The following ROCK2 variants were observed in gnomAD, a reference collection of about 807,000 sequenced individuals.
The protein encoded by ROCK2 is rho-associated protein kinase 2.
Under a neutral mutation model 195.1 loss-of-function variants are expected in ROCK2, and 61 were observed. The observed-to-expected ratio is 0.31, with a 90% CI of 0.25 to 0.39. The LOEUF is 0.39. Among genes scored for constraint, ROCK2 ranks in the 10% least tolerant of loss-of-function variants. The probability of loss-of-function intolerance (pLI) is 1.00; values close to 1 mark genes in which losing one functional copy is unlikely to be tolerated. For synonymous variants in ROCK2, 504 were observed against 545.5 expected (o/e 0.92, Z 1.06); for missense variants, 1,109 against 1,637.4 (o/e 0.68, Z 5.57).
At chr2:11,293,879 C>A (rs1667431683) in intron 1 of ROCK2, among the ~76,000 whole-genome samples, 1 of 152,096 alleles carries the variant, frequency 6.6e-6, no homozygotes. Flanking sequence ...AACGTACGGG[C>A]CAGGCGCGGT....
At chr2:11,300,770 T>C (rs1209044097) in intron 1 of ROCK2, among the ~76,000 whole-genome samples, 1 of 152,066 alleles carries the variant, frequency 6.6e-6, no homozygotes, top group Non-Finnish European at 1.5e-5. Flanking sequence ...TTTCCAAGTA[T>C]CCACCAGATA....
At chr2:11,203,495 G>A (rs888178628) in intron 20 of ROCK2, among the ~76,000 whole-genome samples, 1 of 151,884 alleles carries the variant, frequency 6.6e-6, no homozygotes, top group African/African-American at 2.4e-5. Flanking sequence ...ATGTAGTCAA[G>A]TATTTTACAA....
intron 23 of ROCK2, among the ~76,000 whole-genome samples, 168 bp from the exon 24 acceptor site, chr2:11,198,942 T>A (rs987350317): frequency 4.6e-5 from 7 of 151,218 alleles, no homozygotes; most frequent in African/African-American, 1.7e-4. Flanking sequence ...TCTTGCTCTG[T>A]CAACCAGGAG....
chr2:11,317,435 AAC>A (rs1056125720), intron 1 of ROCK2, among the ~76,000 whole-genome samples: 3 of 151,242 alleles, frequency 2.0e-5, no homozygotes, highest in East Asian at 3.9e-4. Context: ...GCATCAATAA[AAC>A]AGAGATAATA....
At chr2:11,296,050 G>GA (rs1249653168) in intron 1 of ROCK2, among the ~76,000 whole-genome samples, 1 of 143,776 alleles carries the variant, frequency 7.0e-6, no homozygotes, top group Non-Finnish European at 1.5e-5. Context: ...GAGAGAGAGA[G>GA]AAAACAAAGG....
chr2:11,218,538 ACAAAC>A, intron 10 of ROCK2, 72 bp from the exon 11 acceptor site: 1 of 1,051,202 alleles, frequency 9.5e-7, no homozygotes, highest in South Asian at 1.6e-5. Flanking sequence ...TTCCTAAAAC[ACAAAC>A]CATAACAAAA....
At chr2:11,251,210 C>CAGAA (rs1414484741) in intron 3 of ROCK2, among the ~76,000 whole-genome samples, 1 of 152,168 alleles carries the variant, frequency 6.6e-6, no homozygotes, top group Non-Finnish European at 1.5e-5. Context: ...TATTTATCAC[C>CAGAA]TATTTCTCAG....
chr2:11,235,085 CT>C lies in ROCK2; in HGVS notation c.723+616del, dbSNP rs1464442549. ...ACCGATCCCTCTCCATCAAGAATTA[CT>C]TACTGCACACTTACAGAGAAAAGGG... On this transcript the variant is annotated intron_variant, in intron 5 of 32. Coordinates refer to ENST00000315872, the MANE Select transcript of ROCK2 (RefSeq NM_004850.5). The surrounding 1 kb of genome is among the most constrained non-coding windows in gnomAD (Gnocchi z 4.2). Among the ~76,000 whole-genome samples, 9 of 152,124 alleles carry C rather than the reference CT, an allele frequency of 5.9e-5. No homozygotes were observed. The highest frequency in any genetic ancestry group is 5.2e-4 in the Admixed American group (8 of 15,274).
At chr2:11,250,285 G>A (rs952541089) in intron 3 of ROCK2, among the ~76,000 whole-genome samples, 1 of 151,900 alleles carries the variant, frequency 6.6e-6, no homozygotes, top group Non-Finnish European at 1.5e-5. Flanking sequence ...TTCTCTTTAG[G>A]TGCCCTAATT....
chr2:11,293,621 A>C (rs1240337011), intron 1 of ROCK2, among the ~76,000 whole-genome samples: 2 of 152,192 alleles, frequency 1.3e-5, no homozygotes, highest in African/African-American at 4.8e-5. Context: ...GGCTTGGCAC[A>C]GTACTCTTCC....
intron 23 of ROCK2, among the ~76,000 whole-genome samples, chr2:11,199,188 G>T (rs10929726): frequency 0.4 from 60,038 of 151,986 alleles, 13,379 homozygotes; most frequent in Admixed American, 0.52. Flanking sequence ...ACAGGCATAA[G>T]CCAACACACC....
intron 1 of ROCK2, among the ~76,000 whole-genome samples, chr2:11,296,895 A>G (rs997731964): frequency 6.6e-6 from 1 of 152,110 alleles, no homozygotes; most frequent in East Asian, 1.9e-4. Flanking sequence ...TTATGAATGT[A>G]CTTATGTTTT....
chr2:11,297,417 A>G (rs964789588), intron 1 of ROCK2, among the ~76,000 whole-genome samples: 1 of 152,140 alleles, frequency 6.6e-6, no homozygotes, highest in South Asian at 2.1e-4. Flanking sequence ...ATTACAGAAG[A>G]CAGTCTTAAT....
intron 3 of ROCK2, among the ~76,000 whole-genome samples, chr2:11,250,972 C>T (rs1172330712): frequency 2.6e-5 from 4 of 152,320 alleles, no homozygotes; most frequent in Non-Finnish European, 5.9e-5. Context: ...CCTCCTGTAG[C>T]TGGCTCAATC....
chr2:11,286,628 C>A lies in ROCK2; in HGVS notation c.235G>T (p.Val79Leu). The A allele has an allele frequency of 6.3e-7, 1 of 1,585,854 alleles. No individual in the cohort carries two copies. Among genetic ancestry groups the A allele is most frequent in the Non-Finnish European group, 8.6e-7 (1 of 1,156,848 alleles). Residue 79 changes from valine (V) to leucine (L), a missense_variant, in exon 3 of 33, where the codon GTG (valine) becomes TTG (leucine). Coordinates refer to ENST00000315872, the MANE Select transcript of ROCK2 (RefSeq NM_004850.5). ...DNFLNRYEKI[V>L]KKIRGLQMKA... ...ATCTGTAGACCTCTGATTTTTTTCA[C>A]AATTTTCTCATCTACCATAAAAAGA...
Position 11,208,343 on chromosome 2 carries a change from G to C in ROCK2, c.2308C>G (p.Gln770Glu), listed in dbSNP as rs773066505. The C allele has an allele frequency of 1.3e-6, 2 of 1,517,708 alleles. No individual in the cohort carries two copies. Among genetic ancestry groups the C allele is most frequent in the Non-Finnish European group, 1.8e-6 (2 of 1,121,638 alleles). 94.0% of individuals were successfully genotyped at this position (1,517,708 alleles called of 1,614,324 possible). ...AGCTCATTTATTTTCTGCTGTGACTGTTTGAGGTCACAGTCTAATAGAGAA... is the reference window on the plus strand; with the variant it reads ...AGCTCATTTATTTTCTGCTGTGACTCTTTGAGGTCACAGTCTAATAGAGAA... ...RCSLLDCDLK[Q>E]SQQKINELLK... The change falls in exon 19 of 33, where the codon CAG becomes GAG. Residue 770 changes from glutamine (Q) to glutamate (E), a missense_variant. Gln to Glu is a conservative substitution (Grantham distance 29, BLOSUM62 2). Transcript: ENST00000315872.
At chr2:11,216,902 T>C (rs552498756) in intron 12 of ROCK2, among the ~76,000 whole-genome samples, 188 bp downstream of exon 12, 40 of 152,064 alleles carry the variant, frequency 2.6e-4, no homozygotes, top group Middle Eastern at 6.8e-3. Context: ...TTTTGTATTT[T>C]TAGTAGAGAC....
intron 3 of ROCK2, among the ~76,000 whole-genome samples, chr2:11,263,980 G>GAAAAAAAAA (rs56736410): frequency 7.2e-6 from 1 of 139,610 alleles, no homozygotes. Flanking sequence ...GAAAAAAGAT[G>GAAAAAAAAA]AAAAAAAAAA....
chr2:11,248,735 A>AAAAAAAAAG (rs1665718986), intron 4 of ROCK2, among the ~76,000 whole-genome samples: 2 of 139,656 alleles, frequency 1.4e-5, no homozygotes, highest in Non-Finnish European at 1.6e-5. Context: ...AAAAAAAAAA[A>AAAAAAAAAG]AAAGAAAGAA....
Sources: gnomAD v4.1 joint callset for allele counts (sites outside exome capture counted in the v4.1 genomes callset) on GRCh38, gnomAD v4.1.1 for gene constraint, Gnocchi (gnomAD v3.1) non-coding constraint, MANE v1.5 for transcripts, NCBI Gene and HGNC (gene_info 2026-07-23, HGNC 2026-07-21) for gene names.